Variants in CSMD2 observed in about 807,000 individuals in gnomAD.
CSMD2 encodes the protein CUB and Sushi multiple domains 2, also known as CUB and sushi domain-containing protein 2.
Under a neutral mutation model 398.5 loss-of-function variants are expected in CSMD2, and 130 were observed. That is an observed-to-expected ratio of 0.33 (90% confidence interval 0.28 to 0.38). The LOEUF (loss-of-function observed/expected upper bound fraction) is 0.38. Among genes scored for constraint, CSMD2 ranks in the 10% least tolerant of loss-of-function variants. CSMD2 has a pLI of 1.00. For synonymous variants in CSMD2, 1,828 were observed against 1,908.5 expected (o/e 0.96, Z 1.10); for missense variants, 3,829 against 4,764.9 (o/e 0.80, Z 5.78).
rs773582137 is a variant in CSMD2 at position 33,743,439 on chromosome 1, G to T, written c.2014C>A (p.Leu672Met). Residue 672 changes from leucine to methionine, a missense_variant, in exon 14 of 71, where the codon CTG (leucine) becomes ATG (methionine). This residue lies in a region of CSMD2 where 2,001 missense variants were observed against 2,567.1 expected (regional missense o/e 0.78). Coordinates refer to ENST00000373381, the MANE Select transcript of CSMD2 (RefSeq NM_001281956.2). ...DIDVEPQFDF[L>M]VIKDGATAEA... is the part of the protein sequence containing the mutation. ...GCGGTGGCCCCATCCTTGATGACCAGGAAATCAAACTGAGGCTCCACGTCA... is the reference window on the plus strand; with the variant it reads ...GCGGTGGCCCCATCCTTGATGACCATGAAATCAAACTGAGGCTCCACGTCA... 1.2e-6 allele frequency: 2 copies of T among 1,614,082 alleles called. No homozygotes were observed. Among genetic ancestry groups the T allele is most frequent in the South Asian group, 2.2e-5 (2 of 91,086 alleles).
chr1:33,753,872 C>G (rs887047604), intron 13 of CSMD2, among the ~76,000 whole-genome samples: 1 of 152,218 alleles, frequency 6.6e-6, no homozygotes, highest in Non-Finnish European at 1.5e-5. Context: ...GCCTGTTACC[C>G]CTTTCTTTTG....
chr1:33,718,330 G>A (rs915007622), intron 19 of CSMD2, among the ~76,000 whole-genome samples: 10 of 152,262 alleles, frequency 6.6e-5, no homozygotes, highest in Non-Finnish European at 1.2e-4. Context: ...TTGTCCAGAT[G>A]GCAGTTGTGT....
chr1:33,674,537 T>C (rs1002726399), intron 25 of CSMD2, among the ~76,000 whole-genome samples: 2 of 152,098 alleles, frequency 1.3e-5, no homozygotes, highest in African/African-American at 4.8e-5. Flanking sequence ...CTGTCAACAT[T>C]AGACAGATCA....
intron 1 of CSMD2, among the ~76,000 whole-genome samples, chr1:34,145,246 A>T (rs1639661776): frequency 6.6e-6 from 1 of 152,226 alleles, no homozygotes; most frequent in Non-Finnish European, 1.5e-5. Flanking sequence ...CCAAGTTAGG[A>T]AAGTGTATAG....
intron 3 of CSMD2, among the ~76,000 whole-genome samples, chr1:34,031,648 T>A (rs1439118065): frequency 6.6e-6 from 1 of 151,634 alleles, no homozygotes; most frequent in East Asian, 1.9e-4. Context: ...GCAGAACTTG[T>A]CCTCTTTATG....
chr1:34,165,389 G>T (rs916098689), upstream of CSMD2: 1 of 1,019,620 alleles, frequency 9.8e-7, no homozygotes, highest in Non-Finnish European at 1.3e-6. Flanking sequence ...CAAATGCTGG[G>T]GGTGGAGGCG....
chr1:33,804,211 A>G (rs961059679), intron 10 of CSMD2, among the ~76,000 whole-genome samples: 11 of 152,246 alleles, frequency 7.2e-5, no homozygotes, highest in Non-Finnish European at 1.5e-4. Context: ...TGTTAACAAC[A>G]GCCTAACACT....
intron 13 of CSMD2, among the ~76,000 whole-genome samples, chr1:33,769,192 C>T (rs1650939647): frequency 6.6e-6 from 1 of 152,202 alleles, no homozygotes; most frequent in Admixed American, 6.5e-5. Flanking sequence ...GAAATGCTCT[C>T]TATTCTTTTG....
At chr1:33,584,494 G>A (rs1426608453) in intron 46 of CSMD2, among the ~76,000 whole-genome samples, 1 of 151,980 alleles carries the variant, frequency 6.6e-6, no homozygotes, top group African/African-American at 2.4e-5. Flanking sequence ...ACATGGTGAA[G>A]CCCCATTTCT....
chr1:33,577,011 A>T (rs917839461), intron 49 of CSMD2, among the ~76,000 whole-genome samples: 5 of 152,132 alleles, frequency 3.3e-5, no homozygotes, highest in Non-Finnish European at 5.9e-5. Context: ...GCCAGGAGGA[A>T]GCAGATCCTT....
chr1:33,825,705 G>A lies in CSMD2; in HGVS notation c.1103C>T (p.Thr368Met), dbSNP rs1308085120. ...LMPSKDNSQK[T>M]SVLTQVGVSQ... ...GGCGGGCGGACACTTACACACAGAC[G>A]TCTTCTGGCTGTTGTCTTTGCTGGG... Residue 368 changes from threonine to methionine, a missense_variant, in exon 7 of 71, where the codon ACG becomes ATG. Around this residue, in one of 5 missense-constraint regions of CSMD2, gnomAD observed 2,001 missense variants for 2,567.1 expected, o/e 0.78. Coordinates refer to ENST00000373381, the MANE Select transcript of CSMD2 (RefSeq NM_001281956.2). 9 of 1,611,348 alleles carry A rather than the reference G, an allele frequency of 5.6e-6. No individual in the cohort carries two copies. The East Asian group carries it at 8.9e-5, about 16-fold the overall frequency.
chr1:33,645,992 G>T (rs2148947522), intron 29 of CSMD2, among the ~76,000 whole-genome samples: 1 of 152,362 alleles, frequency 6.6e-6, no homozygotes, highest in South Asian at 2.1e-4. Flanking sequence ...CTGAGTAGTT[G>T]TGATAGGTAA....
At chr1:33,794,560 C>T (rs1046192182) in intron 10 of CSMD2, among the ~76,000 whole-genome samples, 33 of 151,972 alleles carry the variant, frequency 2.2e-4, no homozygotes, top group African/African-American at 7.0e-4. Context: ...TGGAGGGTGG[C>T]GATAGGAGAG....
At chr1:34,040,375 C>A (rs1256470356) in intron 2 of CSMD2, among the ~76,000 whole-genome samples, 1 of 152,152 alleles carries the variant, frequency 6.6e-6, no homozygotes, top group Non-Finnish European at 1.5e-5. Context: ...GATTAGTACA[C>A]AGAGTATAAC....
intron 1 of CSMD2, among the ~76,000 whole-genome samples, chr1:34,120,045 TAA>T (rs1662010603): frequency 1.3e-5 from 2 of 152,278 alleles, no homozygotes; most frequent in African/African-American, 2.4e-5. Context: ...GATGAATGGA[TAA>T]AGAGTATGTG....
chr1:34,140,297 A>AAAC (rs1553330755), intron 1 of CSMD2, among the ~76,000 whole-genome samples: 4 of 112,368 alleles, frequency 3.6e-5, no homozygotes, highest in Admixed American at 9.4e-5. Context: ...CATATGCAAA[A>AAAC]AAACAAACAA....
At chr1:33,948,406 C>T (rs1644903678) in intron 3 of CSMD2, among the ~76,000 whole-genome samples, 1 of 152,190 alleles carries the variant, frequency 6.6e-6, no homozygotes, top group African/African-American at 2.4e-5. Context: ...TCAACATGCA[C>T]AAATCCATCC....
intron 3 of CSMD2, among the ~76,000 whole-genome samples, chr1:33,992,651 G>T (rs943254906): frequency 6.6e-6 from 1 of 151,540 alleles, no homozygotes; most frequent in South Asian, 2.1e-4. Context: ...GGCAGATCAC[G>T]AGGTCAGGAG....
intron 68 of CSMD2, among the ~76,000 whole-genome samples, chr1:33,520,887 A>G (rs1210168331): frequency 3.3e-5 from 5 of 152,066 alleles, no homozygotes; most frequent in Non-Finnish European, 7.4e-5. Flanking sequence ...CCAGAGTCTG[A>G]GGCTGGGCAC....
Sources: allele counts gnomAD v4.1 joint callset (sites outside exome capture counted in the v4.1 genomes callset), GRCh38; gene constraint gnomAD v4.1.1; regional missense constraint gnomAD v4.1.1; transcripts MANE v1.5; gene names NCBI Gene and HGNC (gene_info 2026-07-23, HGNC 2026-07-21).